Variants in TAGLN2 observed in about 807,000 individuals in gnomAD.
The protein encoded by TAGLN2 is transgelin-2.
A neutral mutation model predicts 24.9 loss-of-function variants in TAGLN2; 14 were observed. The observed-to-expected ratio is 0.56, with a 90% CI of 0.37 to 0.88. The LOEUF is 0.88. TAGLN2 is among the 40% of genes least tolerant of loss of function. The pLI, the probability that TAGLN2 is intolerant of heterozygous loss-of-function variation, is 0.00. For synonymous variants in TAGLN2, 77 were observed against 98.2 expected (o/e 0.78, Z 1.28); for missense variants, 208 against 258.9 (o/e 0.80, Z 1.35).
rs1650457085 is a variant in TAGLN2, at chr1:159,919,549, C to A, written c.355+112G>T. On this transcript the variant is annotated intron_variant, in intron 3 of 4. Coordinates refer to ENST00000368097, the MANE Select transcript of TAGLN2 (RefSeq NM_003564.3). ...AAGTGCTCCATGGAACACAAACACA[C>A]CCCTCTTTCTCTGCAGGGAGCCAGA... is the stretch of plus-strand genomic sequence containing the variant. 6 of 1,403,960 alleles carry A rather than the reference C, an allele frequency of 4.3e-6. No homozygotes were observed. The East Asian group carries it at 1.2e-4, about 27-fold the overall frequency. 87.0% of individuals were successfully genotyped at this position (1,403,960 alleles called of 1,614,324 possible).
At chr1:159,919,591 C>T (rs1571201690) in intron 3 of TAGLN2, 70 bp downstream of exon 3, 1 of 1,574,634 alleles carries the variant, frequency 6.4e-7, no homozygotes, top group Non-Finnish European at 8.7e-7. Context: ...CCCCTTCTGC[C>T]TGGTCAAGAG....
chr1:159,918,808 T>A lies in TAGLN2; in HGVS notation c.592A>T (p.Ile198Phe). 1 of 1,614,120 alleles carries A rather than the reference T, an allele frequency of 6.2e-7. No homozygotes were observed. Among genetic ancestry groups the A allele is most frequent in the Non-Finnish European group, 8.5e-7 (1 of 1,179,962 alleles). ...CAAGGCCTGGGGTGGGATCAGAGGATCTGGCGTGGCATCCCGTAGCCAGTC... is the reference window on the plus strand; with the variant it reads ...CAAGGCCTGGGGTGGGATCAGAGGAACTGGCGTGGCATCCCGTAGCCAGTC... ...GMTGYGMPRQ[I>F]L The change falls in exon 5 of 5, where the codon ATC becomes TTC. Residue 198 changes from isoleucine (I) to phenylalanine (F), a missense_variant. By Grantham distance (21) the Ile-to-Phe change is conservative. Coordinates refer to ENST00000368097, the MANE Select transcript of TAGLN2 (RefSeq NM_003564.3).
In TAGLN2 at chr1:159,918,619, G is replaced by A; in HGVS notation, c.*181C>T. The A allele has an allele frequency of 4.9e-6, 4 of 814,392 alleles. No homozygotes were observed. Among genetic ancestry groups the A allele is most frequent in the South Asian group, 3.6e-5 (2 of 55,254 alleles). 50.4% of individuals were successfully genotyped at this position (814,392 alleles called of 1,614,324 possible). A position where few individuals can be genotyped will look rare whatever the true frequency, so the allele number is the denominator to read the frequency against. ...TGGCTATGGGGAAGGGAATGTATTA[G>A]TAAGCATGGGGGAGAGGATGCCAGC... On this transcript the variant is annotated 3_prime_UTR_variant, in exon 5 of 5. Transcript: ENST00000368097.
rs1650424797 is a variant in TAGLN2, at chr1:159,918,799, A to G, written c.*1T>C. On this transcript the variant is annotated 3_prime_UTR_variant, in exon 5 of 5. Transcript: ENST00000368097. ...GGGCAGGGGCAAGGCCTGGGGTGGG[A>G]TCAGAGGATCTGGCGTGGCATCCCG... 6.2e-7 allele frequency: 1 copy of G among 1,613,926 alleles called. No homozygotes were observed. Among genetic ancestry groups the G allele is most frequent in the Non-Finnish European group, 8.5e-7 (1 of 1,179,920 alleles).
chr1:159,921,466 G>C (rs1436440929), intron 1 of TAGLN2, among the ~76,000 whole-genome samples: 1 of 85,096 alleles, frequency 1.2e-5, no homozygotes, highest in African/African-American at 3.7e-5. Context: ...AAAAGGGAAG[G>C]AAATAGATTC....
At chr1:159,919,547 C>T (rs1650456987) in intron 3 of TAGLN2, 114 bp downstream of exon 3, 4 of 1,398,536 alleles carry the variant, frequency 2.9e-6, no homozygotes, top group Non-Finnish European at 4.0e-6. Context: ...AACACAAACA[C>T]ACCCCTCTTT....
At chr1:159,921,598 TA>T (rs1650534329) in intron 1 of TAGLN2, among the ~76,000 whole-genome samples, 2 of 152,200 alleles carry the variant, frequency 1.3e-5, no homozygotes, top group Non-Finnish European at 2.9e-5. Flanking sequence ...ACTAAGCTTG[TA>T]GCAATTTGTT....
intron 2 of TAGLN2, 123 bp from the exon 3 acceptor site, chr1:159,919,958 TG>T: frequency 8.9e-7 from 1 of 1,129,180 alleles, no homozygotes; most frequent in Non-Finnish European, 1.3e-6. Flanking sequence ...GAAGACAGCT[TG>T]GACTCTTTCA....
intron 1 of TAGLN2, chr1:159,925,148 C>T (rs1451222024): frequency 1.3e-5 from 2 of 152,288 alleles, no homozygotes; most frequent in African/African-American, 4.8e-5. Flanking sequence ...CTTTTTTCCC[C>T]TCGCCCCAGT....
chr1:159,921,704 T>C (rs932114938), intron 1 of TAGLN2, among the ~76,000 whole-genome samples: 11 of 151,892 alleles, frequency 7.2e-5, no homozygotes, highest in Non-Finnish European at 1.0e-4. Context: ...CACAGGAGGG[T>C]TTCTTTAACT....
At chr1:159,919,161 TGAAA>T in intron 4 of TAGLN2, 109 bp downstream of exon 4, 13 of 1,294,980 alleles carry the variant, frequency 1.0e-5, no homozygotes, top group Non-Finnish European at 1.4e-5. Flanking sequence ...AGGAATTTTC[TGAAA>T]GTGCTTTGTA....
intron 1 of TAGLN2, chr1:159,923,742 T>C (rs1231402022): frequency 7.7e-6 from 3 of 391,294 alleles, no homozygotes; most frequent in African/African-American, 6.3e-5. Context: ...AAGAGAAAGC[T>C]GAGGCTACAC....
At chr1:159,924,394 G>C (rs1251417542) in intron 1 of TAGLN2, 2 of 152,350 alleles carry the variant, frequency 1.3e-5, no homozygotes, top group African/African-American at 4.8e-5. Flanking sequence ...GAGAACACTG[G>C]GGGAGCCCCG....
rs1650413290 is a variant in TAGLN2 at position 159,918,440 on chromosome 1, A to C, written c.*360T>G. On this transcript the variant is annotated 3_prime_UTR_variant, in exon 5 of 5. Transcript: ENST00000368097. ...GGCAGAGGCAGCATCAGTGACTCCC[A>C]GCCATGGAATGAACGGAGGACACAG... 1.1e-5 allele frequency: 2 copies of C among 190,142 alleles called. No individual in the cohort carries two copies. Among genetic ancestry groups the C allele is most frequent in the Non-Finnish European group, 2.2e-5 (2 of 91,774 alleles). 11.8% of individuals were successfully genotyped at this position (190,142 alleles called of 1,614,324 possible).
At chr1:159,921,585 A>G (rs1012306562) in intron 1 of TAGLN2, among the ~76,000 whole-genome samples, 9 of 152,276 alleles carry the variant, frequency 5.9e-5, no homozygotes, top group African/African-American at 2.2e-4. Flanking sequence ...GTTGCTTTAA[A>G]TCACTAAGCT....
intron 1 of TAGLN2, chr1:159,923,403 C>T: frequency 6.5e-7 from 1 of 1,547,102 alleles, no homozygotes; most frequent in Non-Finnish European, 8.7e-7. Context: ...GCAAGGCACT[C>T]GGCCCCACCC....
At chr1:159,920,218 G>T in intron 2 of TAGLN2, 112 bp downstream of exon 2, 1 of 1,540,904 alleles carries the variant, frequency 6.5e-7, no homozygotes, top group East Asian at 2.2e-5. Context: ...TGAGGAAGAG[G>T]CTGGGACATG....
intron 4 of TAGLN2, 148 bp from the exon 5 acceptor site, chr1:159,919,089 C>A: frequency 1.5e-6 from 2 of 1,347,532 alleles, no homozygotes; most frequent in South Asian, 1.3e-5. Context: ...GCCACCTCCT[C>A]ATCTGTCCAA....
chr1:159,919,711 CGCTCAGCT>C lies in TAGLN2; in HGVS notation c.297_304del (p.Ala100LeufsTer4). On this transcript the variant is annotated frameshift_variant, in exon 3 of 5. Coordinates refer to ENST00000368097, the MANE Select transcript of TAGLN2 (RefSeq NM_003564.3). LOFTEE classifies it high-confidence loss of function. Reference sequence around the variant, plus strand: ...GATGTCAGTGGTGTTAATGCCATAGCGCTCAGCTGCTTGCAGGAACTGAGAGATCTGCT... The same window carrying C: ...GATGTCAGTGGTGTTAATGCCATAGCGCTTGCAGGAACTGAGAGATCTGCT... 1 of 1,613,680 alleles carries C rather than the reference CGCTCAGCT, an allele frequency of 6.2e-7. No individual in the cohort carries two copies. Among genetic ancestry groups the C allele is most frequent in the Non-Finnish European group, 8.5e-7 (1 of 1,179,904 alleles).
Sources: allele counts gnomAD v4.1 joint callset (sites outside exome capture counted in the v4.1 genomes callset), GRCh38; gene constraint gnomAD v4.1.1; transcripts MANE v1.5; gene names NCBI Gene and HGNC (gene_info 2026-07-23, HGNC 2026-07-21).